The following CTNNA3 variants were observed in gnomAD, a reference collection of about 807,000 sequenced individuals.
The protein encoded by CTNNA3 is catenin alpha-3.
CTNNA3 carries 76 observed loss-of-function variants against 95.7 expected under a neutral mutation model. The observed-to-expected ratio is 0.79, with a 90% CI of 0.66 to 0.96. The LOEUF is 0.96. CTNNA3 is among the 40% of genes least tolerant of loss of function. The pLI is 0.00. For missense variants in CTNNA3, 1,191 were observed against 1,089.8 expected (o/e 1.09, Z -1.31); for synonymous variants, 431 against 374.4 (o/e 1.15, Z -1.74).
intron 9 of CTNNA3, among the ~76,000 whole-genome samples, chr10:66,754,614 T>A (rs1290268724): frequency 2.0e-5 from 3 of 152,128 alleles, no homozygotes; most frequent in African/African-American, 7.2e-5. Flanking sequence ...GCGAATCATA[T>A]ATCTGATAAG....
chr10:67,298,537 G>A (rs1840135624), intron 5 of CTNNA3, among the ~76,000 whole-genome samples: 1 of 152,158 alleles, frequency 6.6e-6, no homozygotes, highest in Non-Finnish European at 1.5e-5. Flanking sequence ...CTGCCTGTTA[G>A]GCCGAATTAG....
chr10:67,191,085 C>G (rs1003278283), intron 6 of CTNNA3, among the ~76,000 whole-genome samples: 1 of 151,966 alleles, frequency 6.6e-6, no homozygotes, highest in African/African-American at 2.4e-5. Context: ...ACTGACAACA[C>G]CAAATGCTGG....
At chr10:67,717,230 T>A (rs1173054662) in intron 1 of CTNNA3, among the ~76,000 whole-genome samples, 1 of 152,224 alleles carries the variant, frequency 6.6e-6, no homozygotes, top group East Asian at 1.9e-4. Context: ...CTTTGTCAGA[T>A]GGATAGATTG....
chr10:66,804,456 C>A (rs952488548), intron 7 of CTNNA3, among the ~76,000 whole-genome samples: 2 of 151,970 alleles, frequency 1.3e-5, no homozygotes, highest in Non-Finnish European at 2.9e-5. Flanking sequence ...AAGAACGATA[C>A]CTCAAACCCT....
chr10:67,434,296 T>C (rs1846222981), intron 5 of CTNNA3, among the ~76,000 whole-genome samples: 1 of 151,980 alleles, frequency 6.6e-6, no homozygotes, highest in Non-Finnish European at 1.5e-5. Context: ...GCAATAATAG[T>C]ATCTATCTTG....
chr10:66,155,551 G>A (rs951488426), intron 13 of CTNNA3, among the ~76,000 whole-genome samples: 7 of 151,746 alleles, frequency 4.6e-5, no homozygotes, highest in Non-Finnish European at 7.4e-5. Context: ...ACCCACACAC[G>A]TTCCTGATCT....
At chr10:67,250,221 CT>C (rs1281095761) in intron 5 of CTNNA3, among the ~76,000 whole-genome samples, 134 of 145,472 alleles carry the variant, frequency 9.2e-4, no homozygotes, top group Non-Finnish European at 1.1e-3. Flanking sequence ...AGAGGGCCAA[CT>C]TTTTTTTTTT....
At chr10:66,604,452 C>A (rs996385009) in intron 10 of CTNNA3, among the ~76,000 whole-genome samples, 3 of 152,106 alleles carry the variant, frequency 2.0e-5, no homozygotes, top group African/African-American at 7.2e-5. Context: ...TGAGCGTGCA[C>A]CCTGCCATGC....
intron 10 of CTNNA3, among the ~76,000 whole-genome samples, chr10:66,552,363 C>T (rs139809798): frequency 1.8e-4 from 27 of 152,244 alleles, no homozygotes; most frequent in African/African-American, 6.0e-4. Context: ...TGATGCTTTA[C>T]AACTGGGCCC....
At chr10:66,834,070 G>T (rs1443446674) in intron 7 of CTNNA3, among the ~76,000 whole-genome samples, 1 of 152,062 alleles carries the variant, frequency 6.6e-6, no homozygotes, top group Non-Finnish European at 1.5e-5. Flanking sequence ...TCAGCTCCTT[G>T]GTATGTCTCC....
chr10:66,319,039 T>C (rs1761381642), intron 12 of CTNNA3, among the ~76,000 whole-genome samples: 3 of 152,060 alleles, frequency 2.0e-5, no homozygotes, highest in Non-Finnish European at 2.9e-5. Context: ...AATCGAGTTA[T>C]TAAATGAGTC....
At chr10:66,595,568 C>T (rs571713337) in intron 10 of CTNNA3, among the ~76,000 whole-genome samples, 18 of 152,160 alleles carry the variant, frequency 1.2e-4, no homozygotes, top group African/African-American at 4.1e-4. Flanking sequence ...AACTCCTGAC[C>T]TCAGGTGATC....
At chr10:67,165,191 A>T (rs1861711488) in intron 7 of CTNNA3, among the ~76,000 whole-genome samples, 1 of 152,230 alleles carries the variant, frequency 6.6e-6, no homozygotes, top group Non-Finnish European at 1.5e-5. Flanking sequence ...ATAAACTATC[A>T]ATATATCCAA....
chr10:66,380,872 A>C (rs972558974), intron 11 of CTNNA3, among the ~76,000 whole-genome samples: 4 of 151,860 alleles, frequency 2.6e-5, no homozygotes, highest in African/African-American at 9.7e-5. Flanking sequence ...ATATATACGC[A>C]CCCAATACAG....
Position 66,069,359 on chromosome 10 carries a change from A to T in CTNNA3, c.2108T>A (p.Val703Asp). Reference protein sequence around the residue: ...IWDDTSNDIIVLAKNMCMIMM... With the variant: ...IWDDTSNDIIDLAKNMCMIMM... ...GATCATACACATGTTCTTGGCCAGA[A>T]CAATGATGTCGTTGCTTGTATCATC... The change falls in exon 15 of 18, where the codon GTT becomes GAT. Residue 703 changes from valine (V) to aspartate (D), a missense_variant. Transcript: ENST00000433211. 6.2e-7 allele frequency: 1 copy of T among 1,613,744 alleles called. No individual in the cohort carries two copies. The highest frequency in any genetic ancestry group is 8.5e-7 in the Non-Finnish European group (1 of 1,179,762).
chr10:67,189,896 A>G (rs900436185), intron 6 of CTNNA3, among the ~76,000 whole-genome samples: 11 of 152,198 alleles, frequency 7.2e-5, no homozygotes, highest in African/African-American at 2.4e-4. Context: ...AAATTAAAAT[A>G]AATTGCAAAT....
At chr10:66,222,138 T>G (rs891317735) in intron 13 of CTNNA3, among the ~76,000 whole-genome samples, 1 of 152,186 alleles carries the variant, frequency 6.6e-6, no homozygotes, top group Non-Finnish European at 1.5e-5. Flanking sequence ...AAAATAGCAG[T>G]CTCTACCTTT....
At chr10:66,129,434 G>A (rs940017489) in intron 13 of CTNNA3, among the ~76,000 whole-genome samples, 2 of 152,188 alleles carry the variant, frequency 1.3e-5, no homozygotes, top group Non-Finnish European at 2.9e-5. Flanking sequence ...TCCAGCCAGG[G>A]TGGAGCCCAG....
chr10:66,374,381 T>A (rs2092777266), intron 12 of CTNNA3, among the ~76,000 whole-genome samples: 1 of 152,144 alleles, frequency 6.6e-6, no homozygotes, highest in African/African-American at 2.4e-5. Flanking sequence ...AGAATGATTA[T>A]ATTTTAAGAG....
Sources: allele counts gnomAD v4.1 joint callset (sites outside exome capture counted in the v4.1 genomes callset), GRCh38; gene constraint gnomAD v4.1.1; transcripts MANE v1.5; gene names NCBI Gene and HGNC (gene_info 2026-07-23, HGNC 2026-07-21).